The following NRXN3 variants were observed in gnomAD, a reference collection of about 807,000 sequenced individuals.
The protein encoded by NRXN3 is neurexin 3.
A neutral mutation model predicts 137.6 loss-of-function variants in NRXN3; 32 were observed. The ratio of observed to expected loss-of-function variants is 0.23; its 90% CI spans 0.18 to 0.31. NRXN3 has a LOEUF of 0.31. Ranked by LOEUF, NRXN3 falls within the 10% of genes least tolerant of loss-of-function variation. The probability of loss-of-function intolerance (pLI) is 1.00; values close to 1 mark genes in which losing one functional copy is unlikely to be tolerated. For synonymous variants in NRXN3, 798 were observed against 784.5 expected, an observed-to-expected ratio of 1.02 and a Z score of -0.29; for missense variants, 1,574 against 2,062.5, an observed-to-expected ratio of 0.76 and a Z score of 4.59.
chr14:79,497,233 CAG>C (rs1319140233), intron 16 of NRXN3, among the ~76,000 whole-genome samples: 1 of 152,120 alleles, frequency 6.6e-6, no homozygotes, highest in East Asian at 1.9e-4. Flanking sequence ...AGAACGTAAA[CAG>C]AATGATTTAT....
chr14:79,773,306 C>G (rs1603481887), intron 19 of NRXN3, among the ~76,000 whole-genome samples: 1 of 152,126 alleles, frequency 6.6e-6, no homozygotes, highest in East Asian at 1.9e-4. Context: ...ATAAATCATG[C>G]TGCTATAAAG....
chr14:78,553,767 CT>C (rs2152216703), intron 4 of NRXN3, among the ~76,000 whole-genome samples: 1 of 152,274 alleles, frequency 6.6e-6, no homozygotes, highest in Admixed American at 6.5e-5. Flanking sequence ...AATCTTGCTC[CT>C]TTTTTTCCAT....
At chr14:79,462,158 G>A (rs145884463) in intron 15 of NRXN3, among the ~76,000 whole-genome samples, 2,532 of 152,094 alleles carry the variant, frequency 0.017, 84 homozygotes, top group African/African-American at 0.057. Flanking sequence ...TGGATCACCT[G>A]AGGTCAGGAG....
intron 20 of NRXN3, among the ~76,000 whole-genome samples, chr14:79,813,889 A>T (rs1199683650): frequency 6.6e-6 from 1 of 152,218 alleles, no homozygotes; most frequent in Non-Finnish European, 1.5e-5. Context: ...CCCTCTCCAC[A>T]AATTTCAGAT....
At chr14:79,412,581 C>A (rs1567054158) in intron 15 of NRXN3, among the ~76,000 whole-genome samples, 2 of 151,200 alleles carry the variant, frequency 1.3e-5, no homozygotes, top group African/African-American at 4.9e-5. Flanking sequence ...GAGTTTGAGA[C>A]CAGCCTGGCC....
chr14:78,548,541 T>G (rs1341120763), intron 4 of NRXN3, among the ~76,000 whole-genome samples: 1 of 152,218 alleles, frequency 6.6e-6, no homozygotes, highest in East Asian at 1.9e-4. Context: ...ACTTCAGAAG[T>G]CAGGTGCCTA....
chr14:79,417,773 G>A (rs2095517996), intron 15 of NRXN3, among the ~76,000 whole-genome samples: 1 of 152,068 alleles, frequency 6.6e-6, no homozygotes, highest in African/African-American at 2.4e-5. Flanking sequence ...CTATGTTTAT[G>A]CAATAGGGAT....
chr14:78,979,713 C>T (rs555732749), intron 14 of NRXN3, among the ~76,000 whole-genome samples: 3 of 152,244 alleles, frequency 2.0e-5, no homozygotes, highest in South Asian at 4.1e-4. Flanking sequence ...TTAATGTACT[C>T]ATAGTTCCAT....
chr14:79,284,777 G>C (rs1413163782), intron 15 of NRXN3, among the ~76,000 whole-genome samples: 1 of 151,980 alleles, frequency 6.6e-6, no homozygotes, highest in Non-Finnish European at 1.5e-5. Context: ...TTTCAGCCTT[G>C]GGGGCTTGTT....
chr14:78,850,556 T>G (rs1194329383), intron 10 of NRXN3, among the ~76,000 whole-genome samples: 1 of 152,194 alleles, frequency 6.6e-6, no homozygotes, highest in Non-Finnish European at 1.5e-5. Context: ...TAGAATATTC[T>G]TATTAAAACC....
intron 15 of NRXN3, among the ~76,000 whole-genome samples, chr14:79,050,414 A>AT (rs1166737791): frequency 6.6e-6 from 1 of 152,180 alleles, no homozygotes; most frequent in African/African-American, 2.4e-5. Flanking sequence ...ATGCAGCCCC[A>AT]TTTCTTTTTA....
At chr14:79,372,208 C>A (rs1030702881) in intron 15 of NRXN3, among the ~76,000 whole-genome samples, 1 of 152,092 alleles carries the variant, frequency 6.6e-6, no homozygotes, top group Non-Finnish European at 1.5e-5. Context: ...AAGACTAAAA[C>A]ACACCATATT....
chr14:79,026,407 G>A (rs556443958), intron 15 of NRXN3, among the ~76,000 whole-genome samples: 1 of 152,190 alleles, frequency 6.6e-6, no homozygotes, highest in South Asian at 2.1e-4. Flanking sequence ...GATTAAAAGA[G>A]GCGATGCCTG....
At chr14:79,712,816 A>G (rs996921702) in intron 19 of NRXN3, among the ~76,000 whole-genome samples, 1 of 152,136 alleles carries the variant, frequency 6.6e-6, no homozygotes, top group African/African-American at 2.4e-5. Context: ...CCTCACAGCT[A>G]TCATCCTGCG....
chr14:79,017,146 A>G (rs2099580611), intron 15 of NRXN3, among the ~76,000 whole-genome samples: 1 of 152,036 alleles, frequency 6.6e-6, no homozygotes, highest in South Asian at 2.1e-4. Flanking sequence ...ATAGGCGAGC[A>G]GATGACCCCA....
chr14:78,353,909 A>C (rs935432529), intron 4 of NRXN3, among the ~76,000 whole-genome samples: 1 of 152,206 alleles, frequency 6.6e-6, no homozygotes. Context: ...ACTTCAGTTT[A>C]TGATTATATT....
intron 10 of NRXN3, among the ~76,000 whole-genome samples, chr14:78,948,298 G>T (rs73325337): frequency 0.01 from 1,572 of 152,314 alleles, 37 homozygotes; most frequent in African/African-American, 0.036. Flanking sequence ...TAGGAGGTTG[G>T]AGTATTTATT....
At chr14:79,459,911 G>A (rs183299796) in intron 15 of NRXN3, among the ~76,000 whole-genome samples, 11 of 152,096 alleles carry the variant, frequency 7.2e-5, no homozygotes, top group South Asian at 4.2e-4. Context: ...CAATTTTAGC[G>A]TCTACAGCAT....
At chr14:78,178,098 G>C (rs1017798651) in intron 1 of NRXN3, among the ~76,000 whole-genome samples, 2 of 152,218 alleles carry the variant, frequency 1.3e-5, no homozygotes, top group African/African-American at 4.8e-5. Context: ...AGGAGGTTAA[G>C]TAACATGTCC....
Sources: allele counts gnomAD v4.1 joint callset (sites outside exome capture counted in the v4.1 genomes callset), GRCh38; gene constraint gnomAD v4.1.1; transcripts MANE v1.5; gene names NCBI Gene and HGNC (gene_info 2026-07-23, HGNC 2026-07-21).